Variants in REEP3 observed in about 807,000 individuals in gnomAD.
REEP3 encodes the protein receptor expression-enhancing protein 3.
Under a neutral mutation model 41.3 loss-of-function variants are expected in REEP3, and 20 were observed. The ratio of observed to expected loss-of-function variants is 0.48; its 90% confidence interval spans 0.34 to 0.70. The LOEUF (loss-of-function observed/expected upper bound fraction) is 0.70, where lower values mean the gene tolerates loss of function less well. Ranked by LOEUF, REEP3 falls within the 30% of genes least tolerant of loss-of-function variation. The probability of loss-of-function intolerance (pLI) is 0.01; values close to 1 mark genes in which losing one functional copy is unlikely to be tolerated. For synonymous variants in REEP3, 104 were observed against 101.8 expected, an observed-to-expected ratio of 1.02 and a Z score of -0.13; for missense variants, 271 against 308.8, an observed-to-expected ratio of 0.88 and a Z score of 0.92.
chr10:63,610,356 T>C (rs1956268209), intron 6 of REEP3, 22 bp downstream of exon 6: 1 of 1,549,772 alleles, frequency 6.5e-7, no homozygotes, highest in Non-Finnish European at 8.7e-7. Context: ...TGTTTTAATA[T>C]ACGGTTCTTT....
chr10:63,557,678 C>T (rs1191035510), intron 1 of REEP3, among the ~76,000 whole-genome samples: 1 of 152,164 alleles, frequency 6.6e-6, no homozygotes, highest in African/African-American at 2.4e-5. Flanking sequence ...TACATTTTAA[C>T]TGTTTATGCT....
At chr10:63,604,447 T>G (rs145339769) in intron 5 of REEP3, among the ~76,000 whole-genome samples, 1 of 152,348 alleles carries the variant, frequency 6.6e-6, no homozygotes, top group Non-Finnish European at 1.5e-5. Flanking sequence ...GTCTTTGAAT[T>G]TCTCTGGCAG....
intron 1 of REEP3, among the ~76,000 whole-genome samples, chr10:63,555,302 A>C (rs1012298073): frequency 6.6e-6 from 1 of 152,046 alleles, no homozygotes; most frequent in Non-Finnish European, 1.5e-5. Context: ...TGGAATTTTC[A>C]TATTTTTCTT....
chr10:63,591,202 C>G (rs1223485122), intron 2 of REEP3, among the ~76,000 whole-genome samples: 2 of 150,700 alleles, frequency 1.3e-5, no homozygotes, highest in African/African-American at 2.4e-5. Context: ...GCTGAATGGC[C>G]TTGAGGTGTA....
chr10:63,576,111 A>G (rs1955896779), intron 2 of REEP3, among the ~76,000 whole-genome samples: 1 of 152,064 alleles, frequency 6.6e-6, no homozygotes, highest in Admixed American at 6.6e-5. Context: ...TTCATGTATA[A>G]TTTCCTCAAA....
At chr10:63,588,785 T>G (rs1956031075) in intron 2 of REEP3, among the ~76,000 whole-genome samples, 1 of 152,114 alleles carries the variant, frequency 6.6e-6, no homozygotes. Flanking sequence ...GAAGTTAGGA[T>G]TTTGATATTT....
At chr10:63,579,042 G>GC (rs1436497659) in intron 2 of REEP3, among the ~76,000 whole-genome samples, 57 of 45,960 alleles carry the variant, frequency 1.2e-3, no homozygotes, top group Non-Finnish European at 2.9e-3. Context: ...GTTTTTTTTT[G>GC]GGGGGGGGGA....
intron 5 of REEP3, among the ~76,000 whole-genome samples, chr10:63,603,268 G>A (rs137924962): frequency 0.051 from 6,697 of 131,178 alleles, 227 homozygotes; most frequent in African/African-American, 0.095. Context: ...AGCCGAGATC[G>A]CGCCACTGCA....
At chr10:63,589,373 G>A (rs982179086) in intron 2 of REEP3, among the ~76,000 whole-genome samples, 1 of 152,152 alleles carries the variant, frequency 6.6e-6, no homozygotes, top group Admixed American at 6.5e-5. Flanking sequence ...CTGCCCGGCT[G>A]CTTATGGCCC....
intron 2 of REEP3, among the ~76,000 whole-genome samples, chr10:63,589,683 C>T (rs1419681760): frequency 6.7e-6 from 1 of 150,132 alleles, no homozygotes; most frequent in Non-Finnish European, 1.5e-5. Context: ...ACCTTGCACA[C>T]AGATTTATAA....
intron 1 of REEP3, among the ~76,000 whole-genome samples, chr10:63,527,364 C>T (rs1270872840): frequency 6.6e-6 from 1 of 151,970 alleles, no homozygotes; most frequent in Non-Finnish European, 1.5e-5. Context: ...CTCTTTAGAG[C>T]AAAAATTCCT....
rs187785866 is a variant in REEP3, at chr10:63,547,994, G to A, written c.33-18344G>A. Among the ~76,000 whole-genome samples, 3 of 152,302 alleles carry A rather than the reference G, an allele frequency of 2.0e-5. No individual in the cohort carries two copies. In the East Asian group the frequency reaches 5.8e-4, roughly 29 times the overall value. On this transcript the variant is annotated intron_variant, in intron 1 of 7. Coordinates refer to ENST00000373758, the MANE Select transcript of REEP3 (RefSeq NM_001001330.3). ...CTAATGCTTCAAAATCTATTTTGAC[G>A]TTTTTCCCAAGGATGTAACCTAAAG...
At chr10:63,560,375 G>A (rs1300503459) in intron 1 of REEP3, among the ~76,000 whole-genome samples, 1 of 152,172 alleles carries the variant, frequency 6.6e-6, no homozygotes, top group Non-Finnish European at 1.5e-5. Context: ...TTTGAGAGAT[G>A]TATATCAGAC....
At chr10:63,571,598 C>A (rs1955852809) in intron 2 of REEP3, among the ~76,000 whole-genome samples, 1 of 152,160 alleles carries the variant, frequency 6.6e-6, no homozygotes, top group South Asian at 2.1e-4. Flanking sequence ...ATAAACTTCC[C>A]ATTTCAAGGT....
intron 2 of REEP3, among the ~76,000 whole-genome samples, chr10:63,593,480 A>G (rs759749723): frequency 6.6e-6 from 1 of 152,178 alleles, no homozygotes; most frequent in Non-Finnish European, 1.5e-5. Flanking sequence ...GGAATTAATT[A>G]TATTTCCTAC....
At chr10:63,556,611 C>T (rs1589865537) in intron 1 of REEP3, among the ~76,000 whole-genome samples, 1 of 7,394 alleles carries the variant, frequency 1.4e-4, no homozygotes, top group Non-Finnish European at 4.1e-4. Context: ...TTTCTGTTTG[C>T]TTGTTTTTTT....
intron 2 of REEP3, among the ~76,000 whole-genome samples, chr10:63,570,057 C>A (rs539133618): frequency 3.9e-5 from 6 of 151,926 alleles, no homozygotes; most frequent in African/African-American, 1.4e-4. Flanking sequence ...AAAACAACAA[C>A]AAAAAAAGAC....
intron 1 of REEP3, among the ~76,000 whole-genome samples, chr10:63,543,816 CAGTAATACT>C (rs1955553082): frequency 6.6e-6 from 1 of 152,132 alleles, no homozygotes; most frequent in Non-Finnish European, 1.5e-5. Context: ...CGTCTGATGA[CAGTAATACT>C]AGTAATACTT....
At chr10:63,533,119 C>A (rs1182976300) in intron 1 of REEP3, among the ~76,000 whole-genome samples, 2 of 151,984 alleles carry the variant, frequency 1.3e-5, no homozygotes, top group African/African-American at 4.8e-5. Context: ...GTGTGTATAC[C>A]ATCACTAGAG....
Sources: allele counts gnomAD v4.1 joint callset (sites outside exome capture counted in the v4.1 genomes callset), GRCh38; gene constraint gnomAD v4.1.1; transcripts MANE v1.5; gene names NCBI Gene and HGNC (gene_info 2026-07-23, HGNC 2026-07-21).